SMURF2: variants seen among roughly 807,000 people sequenced by gnomAD.
SMURF2 encodes the protein SMAD specific E3 ubiquitin protein ligase 2.
Under a neutral mutation model 109.6 loss-of-function variants are expected in SMURF2, and 48 were observed. That is an observed-to-expected ratio of 0.44 (90% CI 0.35 to 0.56). SMURF2 has a LOEUF of 0.56. SMURF2 is among the 20% of genes least tolerant of loss of function. SMURF2 has a pLI of 0.01. For missense variants in SMURF2, 575 were observed against 909.0 expected, an observed-to-expected ratio of 0.63 and a Z score of 4.72; for synonymous variants, 288 against 317.1, an observed-to-expected ratio of 0.91 and a Z score of 0.97.
chr17:64,550,848 G>A (rs1164820112), intron 16 of SMURF2, among the ~76,000 whole-genome samples: 2 of 151,550 alleles, frequency 1.3e-5, no homozygotes, highest in Non-Finnish European at 2.9e-5. Context: ...TCTATCAAAT[G>A]CTTTCTTGCA....
intron 10 of SMURF2, among the ~76,000 whole-genome samples, chr17:64,565,756 A>G (rs1045302704): frequency 1.3e-5 from 2 of 152,158 alleles, no homozygotes; most frequent in African/African-American, 4.8e-5. Flanking sequence ...ATTGCAATGA[A>G]GATGACATGG....
intron 1 of SMURF2, among the ~76,000 whole-genome samples, chr17:64,651,501 G>A (rs1970640022): frequency 6.6e-6 from 1 of 151,466 alleles, no homozygotes; most frequent in Non-Finnish European, 1.5e-5. Flanking sequence ...GAACCCAGGA[G>A]GTGGAGGTTG....
chr17:64,636,842 A>C (rs1296131861), intron 1 of SMURF2, among the ~76,000 whole-genome samples: 3 of 151,816 alleles, frequency 2.0e-5, no homozygotes, highest in Non-Finnish European at 2.9e-5. Context: ...TATCAGGTAT[A>C]ATTTATAAAT....
chr17:64,636,602 C>CAAA (rs782425202), intron 1 of SMURF2, among the ~76,000 whole-genome samples: 811 of 38,732 alleles, frequency 0.021, 55 homozygotes, highest in African/African-American at 0.069. Flanking sequence ...GACTCTGCCT[C>CAAA]AAAAAAAAAA....
At chr17:64,587,299 T>C (rs1273915842) in intron 5 of SMURF2, among the ~76,000 whole-genome samples, 1 of 152,198 alleles carries the variant, frequency 6.6e-6, no homozygotes, top group Non-Finnish European at 1.5e-5. Flanking sequence ...CATTATCCAG[T>C]GTAGTATAAA....
chr17:64,575,047 A>C (rs1237941404), intron 9 of SMURF2, among the ~76,000 whole-genome samples: 2 of 152,018 alleles, frequency 1.3e-5, no homozygotes, highest in African/African-American at 4.8e-5. Flanking sequence ...AGCTTTTTAC[A>C]ATTTATATAA....
At position 64,581,045 on chromosome 17, in the gene SMURF2, G is replaced by GT. The variant is rs1239804279; in HGVS notation, c.570-55dup. On this transcript the variant is annotated intron_variant, in intron 7 of 18. Transcript: ENST00000262435. The surrounding 1 kb of genome is among the most constrained non-coding windows in gnomAD (Gnocchi z 4.3). ...TATCAATTTAGATATCAAAAGTAGAGTTCTCTAGACAATATATATATACTG... is the reference window on the plus strand; with the variant it reads ...TATCAATTTAGATATCAAAAGTAGAGTTTCTCTAGACAATATATATATACTG... 1.2e-5 allele frequency: 18 copies of GT among 1,511,282 alleles called. No individual in the cohort carries two copies. The Admixed American group carries it at 3.0e-4, about 25-fold the overall frequency. The allele number at this position is 1,511,282 out of a possible 1,614,324, so 93.6% of individuals were successfully genotyped here. A position where few individuals can be genotyped will look rare whatever the true frequency, so the allele number is the denominator to read the frequency against.
At chr17:64,594,178 T>C (rs576546291) in intron 3 of SMURF2, 3 of 152,374 alleles carry the variant, frequency 2.0e-5, no homozygotes, top group South Asian at 2.1e-4. Flanking sequence ...GTAAAAGCTC[T>C]ACCACAGCCA....
chr17:64,556,939 C>T (rs1555684096), intron 13 of SMURF2, among the ~76,000 whole-genome samples: 2 of 152,168 alleles, frequency 1.3e-5, no homozygotes, highest in Admixed American at 6.5e-5. Context: ...ATTTGATAAC[C>T]TTCGTTTCAC....
At chr17:64,565,664 G>A (rs1203489046) in intron 10 of SMURF2, among the ~76,000 whole-genome samples, 1 of 151,696 alleles carries the variant, frequency 6.6e-6, no homozygotes, top group Non-Finnish European at 1.5e-5. Context: ...CCCAGCTCTA[G>A]CACCTTTTAT....
At chr17:64,655,115 G>A (rs1459998858) in intron 1 of SMURF2, among the ~76,000 whole-genome samples, 1 of 151,916 alleles carries the variant, frequency 6.6e-6, no homozygotes, top group East Asian at 1.9e-4. Context: ...AAATTATAAA[G>A]CTATCCTGAA....
chr17:64,603,224 A>T (rs1555688737), intron 2 of SMURF2, among the ~76,000 whole-genome samples: 1 of 152,076 alleles, frequency 6.6e-6, no homozygotes, highest in Non-Finnish European at 1.5e-5. Flanking sequence ...AATCTTTTTT[A>T]AAATGTTGCA....
intron 15 of SMURF2, 41 bp downstream of exon 15, chr17:64,554,815 C>T: frequency 6.3e-7 from 1 of 1,589,944 alleles, no homozygotes; most frequent in South Asian, 1.1e-5. Flanking sequence ...CATTCTAGAA[C>T]ATTTTAAAAA....
Position 64,631,283 on chromosome 17 carries a change from A to T in SMURF2, c.53-24643T>A, listed in dbSNP as rs375076378. ...GTGGGGGGGAGAGAGGGGGGGGGGG[A>T]GAGAGAGAGAGAGAGAGAGAGAGAG... On this transcript the variant is annotated intron_variant, in intron 1 of 18. Coordinates refer to ENST00000262435, the MANE Select transcript of SMURF2 (RefSeq NM_022739.4). Among the ~76,000 whole-genome samples, 21 of 13,790 alleles carry T rather than the reference A, an allele frequency of 1.5e-3. 2 individuals are homozygous for T. The highest frequency in any genetic ancestry group is 8.8e-3 in the African/African-American group (21 of 2,392). The allele number at this position is 13,790 out of a possible 152,430, so 9.0% of individuals were successfully genotyped here. A position where few individuals can be genotyped will look rare whatever the true frequency, so the allele number is the denominator to read the frequency against.
At chr17:64,549,480 G>T (rs1460911140) in intron 16 of SMURF2, among the ~76,000 whole-genome samples, 3 of 151,992 alleles carry the variant, frequency 2.0e-5, no homozygotes, top group Non-Finnish European at 4.4e-5. Context: ...TTCAGGCCTG[G>T]TGCAGTGGCT....
At chr17:64,585,515 T>C (rs1969640663) in intron 6 of SMURF2, among the ~76,000 whole-genome samples, 1 of 152,198 alleles carries the variant, frequency 6.6e-6, no homozygotes, top group Admixed American at 6.5e-5. Flanking sequence ...CATATGGAAG[T>C]TAAATAAATT....
chr17:64,594,157 C>G (rs1472957449), intron 3 of SMURF2: 1 of 152,244 alleles, frequency 6.6e-6, no homozygotes, highest in African/African-American at 2.4e-5. Flanking sequence ...TGTGCATATG[C>G]CTGTAAGTAT....
At chr17:64,563,044 T>C (rs1276119446) in intron 10 of SMURF2, 78 bp from the exon 11 acceptor site, 1 of 1,251,202 alleles carries the variant, frequency 8.0e-7, no homozygotes, top group Non-Finnish European at 1.1e-6. Flanking sequence ...AATAGCATCA[T>C]ATTATAAAGC....
At chr17:64,564,897 C>G (rs940871498) in intron 10 of SMURF2, among the ~76,000 whole-genome samples, 2 of 152,126 alleles carry the variant, frequency 1.3e-5, no homozygotes. Context: ...GAAACTAACA[C>G]AGGGTGGAAG....
Sources: allele counts gnomAD v4.1 joint callset (sites outside exome capture counted in the v4.1 genomes callset), GRCh38; gene constraint gnomAD v4.1.1; non-coding constraint Gnocchi (gnomAD v3.1); transcripts MANE v1.5; gene names NCBI Gene and HGNC (gene_info 2026-07-23, HGNC 2026-07-21).